ADGRF5: variants seen among roughly 807,000 people sequenced by gnomAD.
ADGRF5 encodes the protein adhesion G protein-coupled receptor F5.
Under a neutral mutation model 132.3 loss-of-function variants are expected in ADGRF5, and 75 were observed. The observed-to-expected ratio is 0.57, with a 90% CI of 0.47 to 0.69. The LOEUF is 0.69. ADGRF5 is among the 30% of genes least tolerant of loss of function. The pLI is 0.00. For synonymous variants in ADGRF5, 629 were observed against 597.6 expected (o/e 1.05, Z -0.77); for missense variants, 1,516 against 1,630.6 (o/e 0.93, Z 1.21).
rs137903715 is a variant in ADGRF5, at chr6:46,886,307, T to A, written c.328+2028A>T. On this transcript the variant is annotated intron_variant, in intron 4 of 20. Transcript: ENST00000283296. ...AGTGGGTGGCAGTGGGGCAGGAGAA[T>A]TAGAAATAGAAGAAACTGGAGCTAC... is the stretch of plus-strand genomic sequence containing the variant. Among the ~76,000 whole-genome samples, 627 of 152,278 alleles carry A rather than the reference T, an allele frequency of 4.1e-3. 2 individuals are homozygous for A. The highest frequency in any genetic ancestry group is 0.013 in the African/African-American group (537 of 41,554).
intron 1 of ADGRF5, among the ~76,000 whole-genome samples, chr6:46,929,897 T>C (rs1777471446): frequency 6.6e-6 from 1 of 152,188 alleles, no homozygotes; most frequent in South Asian, 2.1e-4. Flanking sequence ...CTTGGGTCAG[T>C]GCAACCTCCA....
At chr6:46,908,250 T>A (rs1354557658) in intron 1 of ADGRF5, among the ~76,000 whole-genome samples, 1 of 152,232 alleles carries the variant, frequency 6.6e-6, no homozygotes, top group Non-Finnish European at 1.5e-5. Flanking sequence ...ACCAGATGCA[T>A]CTGCTATGGG....
intron 1 of ADGRF5, among the ~76,000 whole-genome samples, chr6:46,930,044 C>T (rs1489612486): frequency 1.3e-5 from 2 of 151,970 alleles, no homozygotes; most frequent in African/African-American, 4.8e-5. Flanking sequence ...TGGTCTCGAA[C>T]TCCTGACCTC....
intron 1 of ADGRF5, among the ~76,000 whole-genome samples, chr6:46,941,424 A>AAGAAAAGAAAAGAAAAG: frequency 2.1e-5 from 1 of 48,332 alleles, no homozygotes; most frequent in African/African-American, 6.4e-5. Context: ...AAGAAAAGAA[A>AAGAAAAGAAAAGAAAAG]AGAAAAGAAA....
chr6:46,877,281 TTCTTTCTTTCTC>T (rs60662277), intron 10 of ADGRF5, among the ~76,000 whole-genome samples: 3,310 of 55,016 alleles, frequency 0.06, 78 homozygotes, highest in Non-Finnish European at 0.071. Flanking sequence ...CTTTCTTTCT[TTCTTTCTTTCTC>T]TCTCTCTCTC....
chr6:46,940,629 G>A lies in ADGRF5; in HGVS notation c.-25+14105C>T, dbSNP rs561738271. ...CAGAGAAGTGTGCTAAAAAGCCACA[G>A]CTCTGAAGCCCTCTAAAGAGGCAAA... is the stretch of plus-strand genomic sequence containing the variant. On this transcript the variant is annotated intron_variant, in intron 1 of 20. Transcript: ENST00000265417. 3.9e-5 allele frequency among the ~76,000 whole-genome samples: 6 copies of A among 152,300 alleles called. No individual in the cohort carries two copies. In the South Asian group the frequency reaches 1.2e-3, roughly 32 times the overall value.
intron 4 of ADGRF5, among the ~76,000 whole-genome samples, chr6:46,885,069 G>A (rs1019049612): frequency 1.3e-5 from 2 of 151,746 alleles, no homozygotes; most frequent in African/African-American, 4.8e-5. Flanking sequence ...TGGGCATGGT[G>A]GTGTGTCCCA....
Position 46,858,735 on chromosome 6 carries a change from A to ATTC in ADGRF5, c.3165_3167dup (p.Val1055_Asn1056insLys), listed in dbSNP as rs1411852330. On this transcript the variant is annotated inframe_insertion, in exon 17 of 21. Coordinates refer to ENST00000283296, the MANE Select transcript of ADGRF5 (RefSeq NM_001098518.2). ...TGGCGACCAGAAGGGAGGCAGCGATATTCACTATGCAGGTGTGGCGCATAT... is the reference window on the plus strand; with the variant it reads ...TGGCGACCAGAAGGGAGGCAGCGATATTCTTCACTATGCAGGTGTGGCGCATAT... The ATTC allele has an allele frequency of 6.2e-7, 1 of 1,614,044 alleles. No individual in the cohort carries two copies. The highest frequency in any genetic ancestry group is 8.5e-7 in the Non-Finnish European group (1 of 1,180,026).
intron 2 of ADGRF5, among the ~76,000 whole-genome samples, chr6:46,904,581 A>AG (rs778127079): frequency 2.2e-4 from 34 of 152,254 alleles, no homozygotes; most frequent in Non-Finnish European, 4.6e-4. Flanking sequence ...AAATGGGTAT[A>AG]GAGTTTGAGT....
chr6:46,941,447 AAAAGAAAAGAAAAGAAAAG>A (rs547975546), intron 1 of ADGRF5, among the ~76,000 whole-genome samples: 3,964 of 47,480 alleles, frequency 0.083, 373 homozygotes, highest in East Asian at 0.11. Context: ...AAAAGAAAAG[AAAAGAAAAGAAAAGAAAAG>A]AAAGAAAAGA....
intron 10 of ADGRF5, among the ~76,000 whole-genome samples, chr6:46,877,271 CTTTCTTTCTTTCTT>C (rs1373391836): frequency 2.8e-4 from 12 of 43,036 alleles, no homozygotes; most frequent in East Asian, 1.5e-3. Context: ...TTCTTTCTTT[CTTTCTTTCTTTCTT>C]TCTTTCTCTC....
chr6:46,884,170 C>CGTG lies in ADGRF5; in HGVS notation c.429_430insCAC (p.Asp143_Val144insHis). ...CTGCAATGGTGCCCTGGGAGGAAGA[C>CGTG]GTCACGCTCTTGACAAATGAGATTG... On this transcript the variant is annotated inframe_insertion, in exon 5 of 21. Coordinates refer to ENST00000283296, the MANE Select transcript of ADGRF5 (RefSeq NM_001098518.2). 3.1e-6 allele frequency: 5 copies of CGTG among 1,614,050 alleles called. No individual in the cohort carries two copies. The highest frequency in any genetic ancestry group is 4.2e-6 in the Non-Finnish European group (5 of 1,179,894).
In ADGRF5 at chr6:46,942,318, G is replaced by A. The variant is rs139772722; in HGVS notation, c.-25+12416C>T. ...TACTGTTTTGTGTCTAGCACTTAGC[G>A]CAGTATCTGGCACAGAGTAGTCAGG... On this transcript the variant is annotated intron_variant, in intron 1 of 20. Coordinates refer to the ADGRF5 transcript ENST00000265417. Among the ~76,000 whole-genome samples, 113 of 152,326 alleles carry A rather than the reference G, an allele frequency of 7.4e-4. 1 individual carries two copies. The highest frequency in any genetic ancestry group is 2.1e-3 in the African/African-American group (87 of 41,568).
chr6:46,878,364 C>G lies in ADGRF5; in HGVS notation c.1078G>C (p.Glu360Gln), dbSNP rs371163644. The change falls in exon 10 of 21, where the codon GAG (glutamate) becomes CAG (glutamine). Residue 360 changes from glutamate (E) to glutamine (Q), a missense_variant. Physicochemically the swap from Glu to Gln is conservative, Grantham distance 29. Transcript: ENST00000283296. The part of the protein sequence containing the change: ...CKLILDIFEY[E>Q]CKKKIDVMPI... ...ATAACATCTATTTTCTTCTTGCACT[C>G]ATATTCAAAAATGTCTAATATCAGT... 1.4e-5 allele frequency: 22 copies of G among 1,612,104 alleles called. No homozygotes were observed. The highest frequency in any genetic ancestry group is 1.8e-5 in the Non-Finnish European group (21 of 1,178,438).
intron 2 of ADGRF5, 77 bp from the exon 3 acceptor site, chr6:46,900,160 C>T: frequency 9.3e-7 from 1 of 1,072,510 alleles, no homozygotes; most frequent in Non-Finnish European, 1.4e-6. Flanking sequence ...TTAGATACCC[C>T]TAAATGTTGG....
At chr6:46,918,722 C>T (rs570533096) in intron 1 of ADGRF5, among the ~76,000 whole-genome samples, 1 of 152,178 alleles carries the variant, frequency 6.6e-6, no homozygotes, top group Non-Finnish European at 1.5e-5. Flanking sequence ...TTGGAGGTGT[C>T]GGAAATCTCC....
chr6:46,868,970 T>G lies in ADGRF5; in HGVS notation c.1534A>C (p.Ile512Leu). The change falls in exon 12 of 21, where the codon ATA (isoleucine) becomes CTA (leucine). Residue 512 changes from isoleucine to leucine, a missense_variant. Around this residue, in one of 2 missense-constraint regions of ADGRF5, gnomAD observed 945 missense variants for 929.4 expected, o/e 1.02. Coordinates refer to ENST00000283296, the MANE Select transcript of ADGRF5 (RefSeq NM_001098518.2). ...CTCGTGGTATAAAATCTTTGGTATATTTTAATTCCAGCAGAAGTGTTCCAA... is the reference window on the plus strand; with the variant it reads ...CTCGTGGTATAAAATCTTTGGTATAGTTTAATTCCAGCAGAAGTGTTCCAA... ...VYWNTSAGIK[I>L]YQRFYTTRRY... 6.2e-7 allele frequency: 1 copy of G among 1,613,264 alleles called. No individual in the cohort carries two copies. The highest frequency in any genetic ancestry group is 8.5e-7 in the Non-Finnish European group (1 of 1,179,198).
At chr6:46,917,601 C>T (rs187721247) in intron 1 of ADGRF5, among the ~76,000 whole-genome samples, 1 of 152,046 alleles carries the variant, frequency 6.6e-6, no homozygotes. Flanking sequence ...GAGTATGGTC[C>T]CTGGCACATA....
At chr6:46,876,706 T>C (rs1001510984) in intron 10 of ADGRF5, among the ~76,000 whole-genome samples, 6 of 152,122 alleles carry the variant, frequency 3.9e-5, no homozygotes, top group Admixed American at 2.0e-4. Context: ...CGGGTTCAAG[T>C]GATTCTCCTG....
Sources: allele counts gnomAD v4.1 joint callset (sites outside exome capture counted in the v4.1 genomes callset), GRCh38; gene constraint gnomAD v4.1.1; regional missense constraint gnomAD v4.1.1; transcripts MANE v1.5; gene names NCBI Gene and HGNC (gene_info 2026-07-23, HGNC 2026-07-21).